Variants in NWD1 observed in about 807,000 individuals in gnomAD.
NWD1 encodes NACHT and WD repeat domain containing 1.
A neutral mutation model predicts 135.1 loss-of-function variants in NWD1; 129 were observed. The observed-to-expected ratio is 0.96, with a 90% CI of 0.83 to 1.11. NWD1 has a LOEUF of 1.11. Among genes scored for constraint, NWD1 ranks in the 50% least tolerant of loss-of-function variants. The pLI is 0.00. For synonymous variants in NWD1, 773 were observed against 786.0 expected, an observed-to-expected ratio of 0.98 and a Z score of 0.28; for missense variants, 1,740 against 1,851.3, an observed-to-expected ratio of 0.94 and a Z score of 1.10.
At chr19:16,754,402 A>G (rs746476992) in intron 6 of NWD1, among the ~76,000 whole-genome samples, 4 of 147,080 alleles carry the variant, frequency 2.7e-5, no homozygotes, top group Non-Finnish European at 6.0e-5. Context: ...TCTTCCATCC[A>G]TCTATCCATC....
At chr19:16,781,705 C>G (rs1450803123) in intron 12 of NWD1, among the ~76,000 whole-genome samples, 2 of 151,898 alleles carry the variant, frequency 1.3e-5, no homozygotes, top group Non-Finnish European at 2.9e-5. Flanking sequence ...TCAACATACT[C>G]CATGCTTATT....
chr19:16,754,924 T>TA (rs758446696), intron 6 of NWD1, among the ~76,000 whole-genome samples: 4 of 152,216 alleles, frequency 2.6e-5, no homozygotes, highest in Admixed American at 6.5e-5. Flanking sequence ...TATCTCTATA[T>TA]ATCTATATAT....
At chr19:16,733,996 C>A (rs1422934387) in intron 3 of NWD1, among the ~76,000 whole-genome samples, 2 of 152,096 alleles carry the variant, frequency 1.3e-5, no homozygotes, top group Non-Finnish European at 1.5e-5. Context: ...AGGGACTGTT[C>A]CGAGTTGTCT....
At chr19:16,782,924 T>C (rs1052783271) in intron 12 of NWD1, among the ~76,000 whole-genome samples, 4 of 110,388 alleles carry the variant, frequency 3.6e-5, no homozygotes, top group African/African-American at 1.6e-4. Flanking sequence ...TTCCTTCCTT[T>C]CCTTCCTTCC....
chr19:16,764,962 G>C, intron 9 of NWD1, 72 bp from the exon 10 acceptor site: 1 of 1,516,618 alleles, frequency 6.6e-7, no homozygotes, highest in Non-Finnish European at 9.0e-7. Context: ...ATGGAGAGAT[G>C]ATTCTCCACC....
At chr19:16,787,731 A>G (rs529139112) in intron 12 of NWD1, among the ~76,000 whole-genome samples, 1 of 151,606 alleles carries the variant, frequency 6.6e-6, no homozygotes, top group South Asian at 2.1e-4. Flanking sequence ...GCGGTGGCAC[A>G]TGCCTGTAAT....
chr19:16,788,247 T>TAAG (rs1970119208), intron 12 of NWD1, among the ~76,000 whole-genome samples: 1 of 125,788 alleles, frequency 7.9e-6, no homozygotes, highest in Admixed American at 7.8e-5. Context: ...ATAATAATAA[T>TAAG]AATAATAATA....
intron 4 of NWD1, among the ~76,000 whole-genome samples, chr19:16,737,829 G>A (rs1312274681): frequency 1.3e-5 from 2 of 151,826 alleles, no homozygotes; most frequent in Non-Finnish European, 2.9e-5. Context: ...GCTGGGCATG[G>A]TGGCACGTGC....
chr19:16,729,068 G>A (rs1967450564), intron 2 of NWD1, among the ~76,000 whole-genome samples: 1 of 152,032 alleles, frequency 6.6e-6, no homozygotes, highest in South Asian at 2.1e-4. Flanking sequence ...TGATGTGAAT[G>A]CAGCTCAGGT....
intron 2 of NWD1, among the ~76,000 whole-genome samples, chr19:16,726,440 TTTTTTTC>T (rs1967332605): frequency 6.6e-6 from 1 of 151,928 alleles, no homozygotes; most frequent in Non-Finnish European, 1.5e-5. Flanking sequence ...GTTTTCTTTC[TTTTTTTC>T]TTTTTTCTTT....
chr19:16,814,222 C>G (rs894407088), intron 18 of NWD1, among the ~76,000 whole-genome samples: 10 of 152,138 alleles, frequency 6.6e-5, no homozygotes, highest in African/African-American at 2.4e-4. Context: ...ACTCTCTCAA[C>G]ACTCACTCCC....
chr19:16,760,691 A>G (rs1223785149), intron 7 of NWD1, among the ~76,000 whole-genome samples: 1 of 152,244 alleles, frequency 6.6e-6, no homozygotes, highest in Middle Eastern at 3.4e-3. Context: ...CCCAGGTTTC[A>G]GCGATTCTCC....
At chr19:16,739,190 G>GAA (rs34576758) in intron 4 of NWD1, among the ~76,000 whole-genome samples, 50 of 144,360 alleles carry the variant, frequency 3.5e-4, no homozygotes, top group Non-Finnish European at 3.0e-4. Context: ...GAGTTTCCAA[G>GAA]AAAAAAAAAA....
chr19:16,732,598 A>ATTTTTTTTTT (rs139987064), intron 3 of NWD1, among the ~76,000 whole-genome samples: 3 of 117,298 alleles, frequency 2.6e-5, no homozygotes, highest in Non-Finnish European at 3.3e-5. Context: ...CTGGCTAGGG[A>ATTTTTTTTTT]ATTTTTTTTT....
At chr19:16,776,817 C>A (rs1040559470) in intron 11 of NWD1, among the ~76,000 whole-genome samples, 2 of 143,886 alleles carry the variant, frequency 1.4e-5, no homozygotes, top group Non-Finnish European at 3.0e-5. Flanking sequence ...TGGTATGTGC[C>A]TATAGTCTCA....
At chr19:16,795,046 T>G (rs1032623712) in intron 15 of NWD1, among the ~76,000 whole-genome samples, 1 of 152,240 alleles carries the variant, frequency 6.6e-6, no homozygotes, top group Non-Finnish European at 1.5e-5. Context: ...CCTCCCAAAG[T>G]GCTGGGATTA....
At chr19:16,739,735 G>A (rs1223217884) in intron 4 of NWD1, among the ~76,000 whole-genome samples, 1 of 152,124 alleles carries the variant, frequency 6.6e-6, no homozygotes, top group Non-Finnish European at 1.5e-5. Context: ...AGGCAGCACC[G>A]AGGCCGGGGA....
At chr19:16,772,887 G>C (rs2122947902) in intron 10 of NWD1, among the ~76,000 whole-genome samples, 1 of 152,056 alleles carries the variant, frequency 6.6e-6, no homozygotes, top group Non-Finnish European at 1.5e-5. Flanking sequence ...GGAAGGAAAG[G>C]GAAGCATTCT....
intron 8 of NWD1, 29 bp downstream of exon 8, chr19:16,762,167 C>G: frequency 6.2e-7 from 1 of 1,600,624 alleles, no homozygotes; most frequent in Non-Finnish European, 8.5e-7. Flanking sequence ...CCATTCCCCA[C>G]CTGCAACCTC....
Sources: allele counts gnomAD v4.1 joint callset (sites outside exome capture counted in the v4.1 genomes callset), GRCh38; gene constraint gnomAD v4.1.1; transcripts MANE v1.5; gene names NCBI Gene and HGNC (gene_info 2026-07-23, HGNC 2026-07-21).